Variants in ADGRB3 observed in about 807,000 individuals in gnomAD.
ADGRB3 encodes brain-specific angiogenesis inhibitor 3.
ADGRB3 carries 37 observed loss-of-function variants against 193.4 expected under a neutral mutation model. That is an observed-to-expected ratio of 0.19 (90% confidence interval 0.15 to 0.25). The LOEUF is 0.25. ADGRB3 is among the 10% of genes least tolerant of loss of function. The pLI, the probability that ADGRB3 is intolerant of heterozygous loss-of-function variation, is 1.00. For synonymous variants in ADGRB3, 690 were observed against 644.2 expected (o/e 1.07, Z -1.08); for missense variants, 1,637 against 1,852.9 (o/e 0.88, Z 2.14).
chr6:68,889,137 G>A (rs2150228288), intron 3 of ADGRB3, among the ~76,000 whole-genome samples: 1 of 152,278 alleles, frequency 6.6e-6, no homozygotes, highest in African/African-American at 2.4e-5. Context: ...AGTATAAATT[G>A]TTTTTGTAGA....
intron 3 of ADGRB3, among the ~76,000 whole-genome samples, chr6:68,815,555 C>T (rs1345152302): frequency 6.6e-6 from 1 of 151,102 alleles, no homozygotes; most frequent in Non-Finnish European, 1.5e-5. Context: ...TAGTAGTGAA[C>T]ATTCAACTTT....
intron 3 of ADGRB3, among the ~76,000 whole-genome samples, chr6:68,689,814 G>T (rs1020436475): frequency 3.9e-5 from 6 of 152,044 alleles, no homozygotes; most frequent in Non-Finnish European, 7.4e-5. Flanking sequence ...TATCAAAGGT[G>T]GATGAATTGT....
chr6:69,011,600 A>G (rs966432509), intron 11 of ADGRB3, among the ~76,000 whole-genome samples: 4 of 152,080 alleles, frequency 2.6e-5, no homozygotes, highest in Admixed American at 6.6e-5. Context: ...AACCCAGGTA[A>G]CACACCTGCA....
intron 13 of ADGRB3, among the ~76,000 whole-genome samples, chr6:69,020,605 T>C (rs1209304682): frequency 6.6e-6 from 1 of 152,030 alleles, no homozygotes; most frequent in African/African-American, 2.4e-5. Flanking sequence ...TCATCCTATA[T>C]CATTGTCCAT....
At chr6:69,017,524 C>G (rs1366960232) in intron 12 of ADGRB3, among the ~76,000 whole-genome samples, 1 of 151,862 alleles carries the variant, frequency 6.6e-6, no homozygotes, top group East Asian at 1.9e-4. Context: ...GTTCCAAACA[C>G]TATGAACTAT....
At chr6:68,891,891 G>A (rs1244301634) in intron 3 of ADGRB3, among the ~76,000 whole-genome samples, 1 of 152,124 alleles carries the variant, frequency 6.6e-6, no homozygotes, top group Non-Finnish European at 1.5e-5. Flanking sequence ...ACTGCAGAAG[G>A]GTGGAGGAGC....
chr6:69,145,936 T>C (rs1774479436), intron 17 of ADGRB3, among the ~76,000 whole-genome samples: 1 of 152,086 alleles, frequency 6.6e-6, no homozygotes, highest in Admixed American at 6.5e-5. Context: ...TGTGCTTATT[T>C]GTTCATGCGC....
chr6:68,657,847 G>T (rs1768528583), intron 3 of ADGRB3, among the ~76,000 whole-genome samples: 1 of 151,264 alleles, frequency 6.6e-6, no homozygotes, highest in South Asian at 2.1e-4. Context: ...TTATGTATTT[G>T]ATTAATTAAA....
At chr6:68,925,049 A>G (rs144486804) in intron 3 of ADGRB3, among the ~76,000 whole-genome samples, 1 of 152,004 alleles carries the variant, frequency 6.6e-6, no homozygotes, top group African/African-American at 2.4e-5. Flanking sequence ...TCCGTTTAAA[A>G]ATTGTATTCA....
chr6:69,127,329 C>G (rs1285044210), intron 17 of ADGRB3, among the ~76,000 whole-genome samples: 2 of 152,114 alleles, frequency 1.3e-5, no homozygotes, highest in African/African-American at 2.4e-5. Context: ...ATTATGTCTT[C>G]GTATATTTTA....
chr6:69,106,259 TA>T lies in ADGRB3; in HGVS notation c.2480+30222del, dbSNP rs11320485. ...GTTATTTTATGTTATTTTTATGTTA[TA>T]TTTTTATGTTACATTTATTACTAGT... On this transcript the variant is annotated intron_variant, in intron 17 of 31. Coordinates refer to ENST00000370598, the MANE Select transcript of ADGRB3 (RefSeq NM_001704.3). Among the ~76,000 whole-genome samples, 1,425 of 152,068 alleles carry T rather than the reference TA, an allele frequency of 9.4e-3. 24 individuals are homozygous for T. The highest frequency in any genetic ancestry group is 0.033 in the African/African-American group (1,363 of 41,474).
At chr6:69,144,741 C>T (rs181025377) in intron 17 of ADGRB3, among the ~76,000 whole-genome samples, 33 of 152,182 alleles carry the variant, frequency 2.2e-4, no homozygotes, top group Non-Finnish European at 2.8e-4. Flanking sequence ...ACCATCCTTA[C>T]GTCCCCAGAA....
intron 15 of ADGRB3, among the ~76,000 whole-genome samples, chr6:69,060,208 C>CTCTCTCTCTT (rs1771694368): frequency 7.0e-6 from 1 of 143,852 alleles, no homozygotes; most frequent in Non-Finnish European, 1.5e-5. Flanking sequence ...CTTTCTCTGT[C>CTCTCTCTCTT]TCTCTCTCTC....
chr6:69,100,378 C>G (rs950500614), intron 17 of ADGRB3, among the ~76,000 whole-genome samples: 1 of 151,992 alleles, frequency 6.6e-6, no homozygotes, highest in Non-Finnish European at 1.5e-5. Context: ...AACATATGTT[C>G]CAATCCATAA....
chr6:68,735,905 T>G (rs1293803235), intron 3 of ADGRB3, among the ~76,000 whole-genome samples: 1 of 152,154 alleles, frequency 6.6e-6, no homozygotes, highest in African/African-American at 2.4e-5. Context: ...AATCACTGAG[T>G]GCTACAAAAT....
intron 3 of ADGRB3, among the ~76,000 whole-genome samples, chr6:68,737,059 C>T (rs1416167307): frequency 6.6e-6 from 1 of 151,940 alleles, no homozygotes; most frequent in Non-Finnish European, 1.5e-5. Flanking sequence ...GTATAATTTG[C>T]TTAAATTTTA....
At chr6:68,786,803 A>G (rs900194808) in intron 3 of ADGRB3, among the ~76,000 whole-genome samples, 1 of 151,502 alleles carries the variant, frequency 6.6e-6, no homozygotes, top group African/African-American at 2.4e-5. Flanking sequence ...ATTTTCTTCC[A>G]TTTGTTTGTA....
At chr6:69,206,265 A>AT (rs1350210215) in intron 17 of ADGRB3, among the ~76,000 whole-genome samples, 1 of 151,432 alleles carries the variant, frequency 6.6e-6, no homozygotes, top group Non-Finnish European at 1.5e-5. Flanking sequence ...CTCTTTTCTC[A>AT]TTTTTCTGCC....
chr6:68,846,952 G>A (rs369035130), intron 3 of ADGRB3, among the ~76,000 whole-genome samples: 52 of 152,296 alleles, frequency 3.4e-4, no homozygotes, highest in African/African-American at 8.9e-4. Context: ...AAGCAGACAG[G>A]AGGGAGGCTG....
Sources: gnomAD v4.1 joint callset for allele counts (sites outside exome capture counted in the v4.1 genomes callset) on GRCh38, gnomAD v4.1.1 for gene constraint, MANE v1.5 for transcripts, NCBI Gene and HGNC (gene_info 2026-07-23, HGNC 2026-07-21) for gene names.